TFDP2: variants seen among roughly 807,000 people sequenced by gnomAD.
TFDP2 encodes the protein transcription factor Dp-2 (E2F dimerization partner 2).
Under a neutral mutation model 59.3 loss-of-function variants are expected in TFDP2, and 17 were observed. That is an observed-to-expected ratio of 0.29 (90% CI 0.20 to 0.43). TFDP2 has a LOEUF of 0.43. Among genes scored for constraint, TFDP2 ranks in the 20% least tolerant of loss-of-function variants. The pLI, the probability that TFDP2 is intolerant of heterozygous loss-of-function variation, is 1.00. For synonymous variants in TFDP2, 180 were observed against 194.7 expected (o/e 0.92, Z 0.63); for missense variants, 391 against 528.8 (o/e 0.74, Z 2.56).
intron 3 of TFDP2, among the ~76,000 whole-genome samples, chr3:142,079,172 G>A (rs762462546): frequency 7.2e-5 from 11 of 151,792 alleles, no homozygotes; most frequent in South Asian, 2.1e-4. Context: ...GTGTGCTGGC[G>A]GGCACCTGTA....
At chr3:142,020,679 T>TA (rs549357924) in intron 3 of TFDP2, among the ~76,000 whole-genome samples, 10,430 of 138,382 alleles carry the variant, frequency 0.075, 443 homozygotes, top group Middle Eastern at 0.12. Flanking sequence ...CCTTTTTCTT[T>TA]AAAAAAAAAA....
intron 3 of TFDP2, among the ~76,000 whole-genome samples, chr3:142,043,264 G>A (rs916139753): frequency 7.1e-6 from 1 of 141,330 alleles, no homozygotes; most frequent in African/African-American, 2.7e-5. Context: ...AGCCAGGATG[G>A]TCTCGATCTC....
chr3:142,006,837 C>T (rs143933902), intron 3 of TFDP2, among the ~76,000 whole-genome samples: 6,378 of 151,956 alleles, frequency 0.042, 468 homozygotes, highest in African/African-American at 0.14. Context: ...AGTTCAGTGG[C>T]ACAATCTTGG....
chr3:142,051,849 G>A lies in TFDP2; in HGVS notation c.82+41212C>T, dbSNP rs1218679235. 5.9e-5 allele frequency among the ~76,000 whole-genome samples: 9 copies of A among 152,144 alleles called. No individual in the cohort carries two copies. In the South Asian group the frequency reaches 1.9e-3, roughly 32 times the overall value. On this transcript the variant is annotated intron_variant, in intron 3 of 12. Transcript: ENST00000489671. ...TAACTCAAAATTTATCATAAGGCTG[G>A]ACTTAGTGACTCATGTTTGTAATCC...
At chr3:141,968,572 A>AAC (rs1199392793) in intron 9 of TFDP2, among the ~76,000 whole-genome samples, 1 of 107,874 alleles carries the variant, frequency 9.3e-6, no homozygotes, top group South Asian at 2.7e-4. Context: ...AGATATATAT[A>AAC]ACATATATAT....
intron 9 of TFDP2, among the ~76,000 whole-genome samples, chr3:141,968,553 CATAT>C (rs201525196): frequency 2.1e-5 from 2 of 95,500 alleles, no homozygotes; most frequent in East Asian, 5.3e-4. Flanking sequence ...ATATATATCT[CATAT>C]ATATAGATAT....
At chr3:141,982,875 T>C (rs1418617242) in intron 6 of TFDP2, among the ~76,000 whole-genome samples, 1 of 152,230 alleles carries the variant, frequency 6.6e-6, no homozygotes, top group Non-Finnish European at 1.5e-5. Context: ...ATATCAACAT[T>C]AGTAAACTAT....
intron 10 of TFDP2, among the ~76,000 whole-genome samples, chr3:141,962,226 G>A (rs1449264536): frequency 6.6e-6 from 1 of 152,038 alleles, no homozygotes; most frequent in African/African-American, 2.4e-5. Context: ...TTACAGGCAT[G>A]AGCCAACACG....
chr3:142,075,529 G>T (rs2060412931), intron 3 of TFDP2, among the ~76,000 whole-genome samples: 1 of 151,960 alleles, frequency 6.6e-6, no homozygotes, highest in Non-Finnish European at 1.5e-5. Flanking sequence ...CTAAAAAATG[G>T]TAAACTCACC....
At chr3:141,961,088 T>C (rs1409563975) in intron 10 of TFDP2, among the ~76,000 whole-genome samples, 1 of 152,170 alleles carries the variant, frequency 6.6e-6, no homozygotes, top group Non-Finnish European at 1.5e-5. Flanking sequence ...CCCATCATTC[T>C]TTTTAGACTT....
rs1306777766 is a variant in TFDP2 at position 141,948,469 on chromosome 3, G to A, written c.*4044C>T. 2 of 151,972 alleles carry A rather than the reference G, an allele frequency of 1.3e-5. No homozygotes were observed. The highest frequency in any genetic ancestry group is 2.9e-5 in the Non-Finnish European group (2 of 68,174). 9.4% of individuals were successfully genotyped at this position (151,972 alleles called of 1,614,324 possible). ...GAGGCAGGAGAATCGCTTGAACCCGGGAGGCAGAGGTTGCAGTGAGCCGGG... is the reference window on the plus strand; with the variant it reads ...GAGGCAGGAGAATCGCTTGAACCCGAGAGGCAGAGGTTGCAGTGAGCCGGG... On this transcript the variant is annotated 3_prime_UTR_variant, in exon 13 of 13. Coordinates refer to ENST00000489671, the MANE Select transcript of TFDP2 (RefSeq NM_001178139.2).
chr3:142,012,877 G>A (rs1282634977), intron 3 of TFDP2, among the ~76,000 whole-genome samples: 22 of 152,072 alleles, frequency 1.4e-4, no homozygotes, highest in Non-Finnish European at 2.8e-4. Flanking sequence ...GGTGGCTCAC[G>A]CTTGTAATCC....
chr3:142,113,557 G>A (rs1333227999), intron 1 of TFDP2, among the ~76,000 whole-genome samples: 2 of 151,928 alleles, frequency 1.3e-5, no homozygotes, highest in Admixed American at 6.6e-5. Flanking sequence ...CACTGTGCCC[G>A]GCCGACTTTT....
At position 141,980,620 on chromosome 3, in the gene TFDP2, G is replaced by A. The variant is rs764156760; in HGVS notation, c.357-1938C>T. 2.6e-5 allele frequency among the ~76,000 whole-genome samples: 4 copies of A among 151,986 alleles called. No individual in the cohort carries two copies. In the East Asian group the frequency reaches 7.7e-4, roughly 29 times the overall value. ...TGCAGTGGTATGATCTCAGCTCACT[G>A]AGAAACCCGGGTTCAAGTGATTCTC... is the stretch of plus-strand genomic sequence containing the variant. On this transcript the variant is annotated intron_variant, in intron 6 of 12. Coordinates refer to ENST00000489671, the MANE Select transcript of TFDP2 (RefSeq NM_001178139.2).
At chr3:141,972,158 G>A (rs11569237) in intron 8 of TFDP2, among the ~76,000 whole-genome samples, 11,322 of 152,176 alleles carry the variant, frequency 0.074, 525 homozygotes, top group Non-Finnish European at 0.11. Context: ...TCTGTGTGGC[G>A]TTCTGCATTT....
chr3:141,977,584 C>T (rs1054136603), intron 7 of TFDP2, among the ~76,000 whole-genome samples: 1 of 151,982 alleles, frequency 6.6e-6, no homozygotes, highest in African/African-American at 2.4e-5. Flanking sequence ...CTCTGCCAGA[C>T]AACTGAATTT....
chr3:142,103,910 GTGCA>G, intron 1 of TFDP2, among the ~76,000 whole-genome samples: 1 of 151,038 alleles, frequency 6.6e-6, no homozygotes, highest in African/African-American at 2.4e-5. Flanking sequence ...TTTTTTTCAT[GTGCA>G]GAACATGCAG....
intron 1 of TFDP2, among the ~76,000 whole-genome samples, chr3:142,106,293 T>C (rs1031451014): frequency 4.6e-5 from 7 of 152,158 alleles, no homozygotes; most frequent in Admixed American, 1.3e-4. Flanking sequence ...TTTAAAGAAA[T>C]AAAGTTACAT....
intron 3 of TFDP2, among the ~76,000 whole-genome samples, chr3:142,078,378 G>A (rs975886228): frequency 6.6e-6 from 1 of 152,202 alleles, no homozygotes; most frequent in African/African-American, 2.4e-5. Context: ...AGTCCCAGTG[G>A]TGGTGGCCAC....
Sources: allele counts gnomAD v4.1 joint callset (sites outside exome capture counted in the v4.1 genomes callset), GRCh38; gene constraint gnomAD v4.1.1; transcripts MANE v1.5; gene names NCBI Gene and HGNC (gene_info 2026-07-23, HGNC 2026-07-21).